Variants in EFNA5 observed in about 807,000 individuals in gnomAD.
EFNA5 encodes ephrin A5, also known as ephrin-A5.
Under a neutral mutation model 22.9 loss-of-function variants are expected in EFNA5, and 5 were observed. That is an observed-to-expected ratio of 0.22 (90% CI 0.11 to 0.46). EFNA5 has a LOEUF of 0.46. Ranked by LOEUF, EFNA5 falls within the 20% of genes least tolerant of loss-of-function variation. The pLI, the probability that EFNA5 is intolerant of heterozygous loss-of-function variation, is 0.99. For synonymous variants in EFNA5, 113 were observed against 112.2 expected (o/e 1.01, Z -0.04); for missense variants, 237 against 293.3 (o/e 0.81, Z 1.40).
chr5:107,380,580 GA>G lies in EFNA5; in HGVS notation c.*674del, dbSNP rs200218848. ...CATTCCACACCCAACCTGCCTCCTA[GA>G]AAAAAAAAAAAGGCTTCTTTTAGAG... On this transcript the variant is annotated 3_prime_UTR_variant, in exon 5 of 5. Coordinates refer to ENST00000333274, the MANE Select transcript of EFNA5 (RefSeq NM_001962.3). 12,988 of 274,502 alleles carry G rather than the reference GA, an allele frequency of 0.047. No individual in the cohort carries two copies. The highest frequency in any genetic ancestry group is 0.065 in the Middle Eastern group (66 of 1,022). The allele number at this position is 274,502 out of a possible 1,614,324, so 17.0% of individuals were successfully genotyped here.
rs1384699365 is a variant in EFNA5, at chr5:107,670,579, A to G, written c.35T>C (p.Leu12Pro). 1.2e-6 allele frequency: 2 copies of G among 1,603,392 alleles called. No individual in the cohort carries two copies. The highest frequency in any genetic ancestry group is 8.5e-7 in the Non-Finnish European group (1 of 1,175,394). Residue 12 changes from leucine to proline, a missense_variant, in exon 1 of 5, where the codon CTG becomes CCG. Physicochemically the swap from Leu to Pro is moderately conservative, Grantham distance 98. This residue lies in a region of EFNA5 where 120 missense variants were observed against 140.5 expected (regional missense o/e 0.85). Coordinates refer to ENST00000333274, the MANE Select transcript of EFNA5 (RefSeq NM_001962.3). ...LHVEMLTLVF[L>P]VLWMCVFSQD... ...GCTGAACACACACATCCAGAGCACC[A>G]GAAACACCAGCGTCAACATCTCCAC...
intron 1 of EFNA5, among the ~76,000 whole-genome samples, chr5:107,653,774 T>C (rs165263): frequency 0.23 from 35,413 of 152,114 alleles, 4,746 homozygotes; most frequent in East Asian, 0.56. Context: ...ACACTGATTA[T>C]TGCAGTCTTA....
rs1751178313 is a variant in EFNA5 at position 107,670,675 on chromosome 5, G to A, written c.-62C>T. The A allele has an allele frequency of 4.5e-6, 7 of 1,568,148 alleles. No homozygotes were observed. In the South Asian group the frequency reaches 4.7e-5, roughly 11 times the overall value. ...TCCGGGGAGAGAGCGGGGATCCGGA[G>A]GGAGGGAGGCAGGCAAAGGGACAGA... On this transcript the variant is annotated 5_prime_UTR_variant, in exon 1 of 5. Transcript: ENST00000333274.
chr5:107,436,905 C>T (rs17533434), intron 1 of EFNA5, among the ~76,000 whole-genome samples: 11,738 of 151,894 alleles, frequency 0.077, 557 homozygotes, highest in Non-Finnish European at 0.1. Flanking sequence ...AGGCTATTCA[C>T]AGTTTCAAAA....
At chr5:107,511,891 G>A (rs1402046537) in intron 1 of EFNA5, among the ~76,000 whole-genome samples, 1 of 152,044 alleles carries the variant, frequency 6.6e-6, no homozygotes, top group African/African-American at 2.4e-5. Flanking sequence ...TTATAGCCCT[G>A]CCTACTCACA....
intron 1 of EFNA5, among the ~76,000 whole-genome samples, chr5:107,510,161 A>T (rs1747339621): frequency 6.6e-6 from 1 of 152,202 alleles, no homozygotes. Context: ...GAAAACCAAG[A>T]TGGCCATGAA....
At chr5:107,439,501 A>C (rs1004308798) in intron 1 of EFNA5, among the ~76,000 whole-genome samples, 1 of 152,190 alleles carries the variant, frequency 6.6e-6, no homozygotes, top group African/African-American at 2.4e-5. Context: ...TATAAACATC[A>C]ATAAAGAACA....
At chr5:107,621,014 A>C (rs1195521242) in intron 1 of EFNA5, among the ~76,000 whole-genome samples, 1 of 152,222 alleles carries the variant, frequency 6.6e-6, no homozygotes, top group Non-Finnish European at 1.5e-5. Flanking sequence ...ATGTCTAGAA[A>C]GTAGTGGATG....
intron 1 of EFNA5, among the ~76,000 whole-genome samples, chr5:107,487,878 T>A (rs1746685181): frequency 6.6e-6 from 1 of 152,344 alleles, no homozygotes; most frequent in East Asian, 1.9e-4. Context: ...TTACAAAGAT[T>A]ACTCCCTATG....
At chr5:107,434,956 T>C (rs1749066997) in intron 1 of EFNA5, among the ~76,000 whole-genome samples, 1 of 152,230 alleles carries the variant, frequency 6.6e-6, no homozygotes, top group Non-Finnish European at 1.5e-5. Context: ...AAAAGAAGGA[T>C]ATGATTTATG....
At chr5:107,513,574 G>T (rs1057430597) in intron 1 of EFNA5, among the ~76,000 whole-genome samples, 9 of 152,100 alleles carry the variant, frequency 5.9e-5, no homozygotes, top group African/African-American at 2.2e-4. Flanking sequence ...AGAAAACATG[G>T]TATTCTAAAA....
chr5:107,383,946 GC>G (rs999783786), intron 4 of EFNA5, among the ~76,000 whole-genome samples: 2 of 152,062 alleles, frequency 1.3e-5, no homozygotes, highest in African/African-American at 4.8e-5. Context: ...ATATCTTCCT[GC>G]CCCCCAAAAG....
At chr5:107,588,024 G>C (rs1749229316) in intron 1 of EFNA5, among the ~76,000 whole-genome samples, 2 of 151,994 alleles carry the variant, frequency 1.3e-5, no homozygotes, top group South Asian at 4.2e-4. Flanking sequence ...AGAAAAATTG[G>C]GAAGAAGGCT....
intron 1 of EFNA5, among the ~76,000 whole-genome samples, chr5:107,451,528 A>G (rs1449107186): frequency 6.6e-6 from 1 of 152,358 alleles, no homozygotes; most frequent in East Asian, 1.9e-4. Flanking sequence ...TTGGAGGCAG[A>G]GAATAAATAA....
chr5:107,533,909 C>A (rs528722329), intron 1 of EFNA5, among the ~76,000 whole-genome samples: 22 of 152,260 alleles, frequency 1.4e-4, no homozygotes, highest in African/African-American at 5.3e-4. Context: ...CTGGAACTGC[C>A]GTGAGAGCCT....
chr5:107,454,587 T>A (rs1749644210), intron 1 of EFNA5, among the ~76,000 whole-genome samples: 1 of 152,174 alleles, frequency 6.6e-6, no homozygotes, highest in Non-Finnish European at 1.5e-5. Flanking sequence ...GATTTAGAAA[T>A]TTAAACTTCC....
chr5:107,668,057 A>G (rs1751113294), intron 1 of EFNA5, among the ~76,000 whole-genome samples: 1 of 152,332 alleles, frequency 6.6e-6, no homozygotes, highest in East Asian at 1.9e-4. Flanking sequence ...TATTGTTTTT[A>G]AAGTAAGTTT....
intron 1 of EFNA5, among the ~76,000 whole-genome samples, chr5:107,459,477 CTA>C (rs1159280197): frequency 6.6e-6 from 1 of 151,914 alleles, no homozygotes; most frequent in African/African-American, 2.4e-5. Context: ...ATCATTTATC[CTA>C]TGTTCATGTT....
At chr5:107,436,512 T>C (rs1230226319) in intron 1 of EFNA5, among the ~76,000 whole-genome samples, 1 of 152,174 alleles carries the variant, frequency 6.6e-6, no homozygotes, top group African/African-American at 2.4e-5. Context: ...AGTTAATGTC[T>C]GGCAATCAGT....
Sources: allele counts gnomAD v4.1 joint callset (sites outside exome capture counted in the v4.1 genomes callset), GRCh38; gene constraint gnomAD v4.1.1; regional missense constraint gnomAD v4.1.1; transcripts MANE v1.5; gene names NCBI Gene and HGNC (gene_info 2026-07-23, HGNC 2026-07-21).